ESRRG: variants seen among roughly 807,000 people sequenced by gnomAD.
The protein encoded by ESRRG is estrogen related receptor gamma.
A neutral mutation model predicts 44.0 loss-of-function variants in ESRRG; 13 were observed. The ratio of observed to expected loss-of-function variants is 0.30; its 90% CI spans 0.19 to 0.47. The LOEUF (loss-of-function observed/expected upper bound fraction) is 0.47, where lower values mean the gene tolerates loss of function less well. ESRRG is among the 20% of genes least tolerant of loss of function. The probability of loss-of-function intolerance (pLI) is 1.00; values close to 1 mark genes in which losing one functional copy is unlikely to be tolerated. For missense variants in ESRRG, 395 were observed against 580.6 expected, an observed-to-expected ratio of 0.68 and a Z score of 3.29; for synonymous variants, 215 against 214.6, an observed-to-expected ratio of 1.00 and a Z score of -0.02.
chr1:216,506,635 G>C lies in ESRRG; in HGVS notation c.*304C>G, dbSNP rs1372602222. On this transcript the variant is annotated 3_prime_UTR_variant, in exon 7 of 7. Coordinates refer to ENST00000408911, the MANE Select transcript of ESRRG (RefSeq NM_001438.4). ...AGGCAGACGGGAAGAAAATAAAGGAGAATGGGAACTAGGAATGAAAGAAGC... is the reference window on the plus strand; with the variant it reads ...AGGCAGACGGGAAGAAAATAAAGGACAATGGGAACTAGGAATGAAAGAAGC... The C allele has an allele frequency of 2.0e-6, 1 of 508,442 alleles. No individual in the cohort carries two copies. Among genetic ancestry groups the C allele is most frequent in the Admixed American group, 2.3e-5 (1 of 43,914 alleles). The allele number at this position is 508,442 out of a possible 1,614,324, so 31.5% of individuals were successfully genotyped here.
chr1:217,026,107 C>A (rs1307559920), intron 1 of ESRRG, among the ~76,000 whole-genome samples: 1 of 152,150 alleles, frequency 6.6e-6, no homozygotes, highest in African/African-American at 2.4e-5. Context: ...GTTGCCCGAC[C>A]TCTCATCTGG....
chr1:216,783,280 C>T (rs2094000763), intron 2 of ESRRG, among the ~76,000 whole-genome samples: 1 of 151,954 alleles, frequency 6.6e-6, no homozygotes, highest in Non-Finnish European at 1.5e-5. Flanking sequence ...CACAGAGTGA[C>T]CATGTCTGAG....
At position 216,527,081 on chromosome 1, in the gene ESRRG, A is replaced by G. The variant is rs79040203; in HGVS notation, c.863-7660T>C. 5.7e-3 allele frequency among the ~76,000 whole-genome samples: 863 copies of G among 152,360 alleles called. 2 individuals are homozygous for G. The highest frequency in any genetic ancestry group is 0.02 in the African/African-American group (824 of 41,590). ...TTGGAATATGCAAAATGAATAAGAC[A>G]TAATCCTTGTCATCTAAGATTTTAT... On this transcript the variant is annotated intron_variant, in intron 5 of 6. Transcript: ENST00000408911.
intron 5 of ESRRG, among the ~76,000 whole-genome samples, chr1:216,530,304 G>GTCTATCTATCTATCTATCTA (rs532896655): frequency 8.6e-6 from 1 of 116,296 alleles, no homozygotes; most frequent in African/African-American, 2.9e-5. Flanking sequence ...ATATATTAAG[G>GTCTATCTATCTATCTATCTA]TCTATCTATC....
At chr1:217,091,832 G>A (rs924310581), upstream of ESRRG, among the ~76,000 whole-genome samples, 6 of 152,292 alleles carry the variant, frequency 3.9e-5, no homozygotes, top group Admixed American at 6.5e-5. Context: ...AGAGGTACTC[G>A]TTAATATTCA....
chr1:216,952,125 C>T (rs1026931726), intron 1 of ESRRG, among the ~76,000 whole-genome samples: 2 of 152,096 alleles, frequency 1.3e-5, no homozygotes, highest in African/African-American at 4.8e-5. Context: ...TGCCAACACC[C>T]CCACTGGTCT....
At position 216,707,286 on chromosome 1, in the gene ESRRG, A is replaced by T; in HGVS notation, c.56+15958T>A. ...TAAAAAAATCAAACCATATACAAGT[A>T]ACGTTGAGCATTTTAAGATTTAATG... On this transcript the variant is annotated intron_variant, in intron 1 of 6. Transcript: ENST00000408911. 3 of 1,488,228 alleles carry T rather than the reference A, an allele frequency of 2.0e-6. No individual in the cohort carries two copies. The South Asian group carries it at 3.7e-5, about 18-fold the overall frequency. The allele number at this position is 1,488,228 out of a possible 1,614,324, so 92.2% of individuals were successfully genotyped here.
At chr1:216,808,918 C>CT (rs111980187) in intron 2 of ESRRG, among the ~76,000 whole-genome samples, 1,823 of 150,864 alleles carry the variant, frequency 0.012, 33 homozygotes, top group African/African-American at 0.042. Context: ...CTATTTTTTT[C>CT]TTTTTTTTTC....
intron 2 of ESRRG, among the ~76,000 whole-genome samples, chr1:216,874,446 T>C (rs2096314067): frequency 6.6e-6 from 1 of 152,166 alleles, no homozygotes; most frequent in African/African-American, 2.4e-5. Context: ...TGAAGAATAA[T>C]ATAATAAATA....
chr1:216,587,934 A>T (rs746990985), intron 3 of ESRRG, among the ~76,000 whole-genome samples: 36 of 152,306 alleles, frequency 2.4e-4, no homozygotes, highest in Non-Finnish European at 4.9e-4. Context: ...CATCAATCCT[A>T]ATTCTACATT....
At chr1:216,912,187 AGAGGAGAGGAGAGGAGAGG>A (rs2060504784) in intron 2 of ESRRG, among the ~76,000 whole-genome samples, 3 of 9,418 alleles carry the variant, frequency 3.2e-4, no homozygotes, top group Non-Finnish European at 3.8e-4. Context: ...AAAGAAAAGG[AGAGGAGAGGAGAGGAGAGG>A]AGAGGAGAGG....
At chr1:216,780,979 C>A (rs552121355) in intron 2 of ESRRG, among the ~76,000 whole-genome samples, 5 of 151,938 alleles carry the variant, frequency 3.3e-5, no homozygotes, top group African/African-American at 1.2e-4. Context: ...GCGCTAAATT[C>A]AACTAGTATA....
intron 5 of ESRRG, among the ~76,000 whole-genome samples, chr1:216,522,255 CTTTTTTTTTT>C (rs71161437): frequency 1.5e-3 from 44 of 29,262 alleles, no homozygotes; most frequent in Non-Finnish European, 2.3e-3. Context: ...AACAGCTCTC[CTTTTTTTTTT>C]TTTTTTTTTT....
chr1:217,131,477 G>A (rs2092965502), intron 1 of ESRRG, among the ~76,000 whole-genome samples: 1 of 152,216 alleles, frequency 6.6e-6, no homozygotes, highest in African/African-American at 2.4e-5. Context: ...GAGTAATCCT[G>A]TCCCACAGAA....
At chr1:216,534,360 G>A (rs1321970299) in intron 5 of ESRRG, among the ~76,000 whole-genome samples, 2 of 152,098 alleles carry the variant, frequency 1.3e-5, no homozygotes, top group Admixed American at 6.5e-5. Context: ...ATATCCTAAT[G>A]TCTATTTCAG....
At position 216,989,450 on chromosome 1, in the gene ESRRG, A is replaced by AC. The variant is rs57360343; in HGVS notation, c.-105-49778dup. 1.9e-3 allele frequency among the ~76,000 whole-genome samples: 265 copies of AC among 142,502 alleles called. 7 individuals carry two copies. The highest frequency in any genetic ancestry group is 3.9e-3 in the African/African-American group (150 of 38,084). 93.5% of individuals were successfully genotyped at this position (142,502 alleles called of 152,430 possible). On this transcript the variant is annotated intron_variant, in intron 1 of 7. Transcript: ENST00000359162. ...CTCAAAAAAAAAAAAAAAAAAAAAA[A>AC]CACAGTGGGAGTGATTTATAAATTT...
intron 5 of ESRRG, among the ~76,000 whole-genome samples, chr1:216,524,250 T>TTATA (rs34966912): frequency 0.011 from 1,593 of 140,736 alleles, 28 homozygotes; most frequent in African/African-American, 0.038. Context: ...TATATGTAAG[T>TTATA]TATATATATA....
intron 1 of ESRRG, among the ~76,000 whole-genome samples, chr1:217,135,239 C>T (rs974715339): frequency 5.3e-5 from 8 of 152,078 alleles, no homozygotes; most frequent in Admixed American, 3.3e-4. Flanking sequence ...GCTTTTCCCC[C>T]TCCTCACCCC....
At chr1:217,018,717 T>C (rs1478867713) in intron 1 of ESRRG, among the ~76,000 whole-genome samples, 1 of 152,136 alleles carries the variant, frequency 6.6e-6, no homozygotes, top group Non-Finnish European at 1.5e-5. Context: ...GTCTGCCAGG[T>C]AACTATTACT....
Sources: gnomAD v4.1 joint callset for allele counts (sites outside exome capture counted in the v4.1 genomes callset) on GRCh38, gnomAD v4.1.1 for gene constraint, MANE v1.5 for transcripts, NCBI Gene and HGNC (gene_info 2026-07-23, HGNC 2026-07-21) for gene names.